Variants in CCDC192 observed in about 807,000 individuals in gnomAD.
CCDC192 encodes coiled-coil domain-containing protein 192.
intron 3 of CCDC192, among the ~76,000 whole-genome samples, chr5:127,770,796 C>A (rs1406811217): frequency 6.6e-6 from 1 of 152,128 alleles, no homozygotes; most frequent in Non-Finnish European, 1.5e-5. Context: ...AGAATAGATG[C>A]ATTATATTAT....
At chr5:127,795,607 G>A (rs1023677598) in intron 3 of CCDC192, among the ~76,000 whole-genome samples, 1 of 151,834 alleles carries the variant, frequency 6.6e-6, no homozygotes, top group South Asian at 2.1e-4. Context: ...TTAAGACAGA[G>A]TCTCACTCTG....
intron 3 of CCDC192, among the ~76,000 whole-genome samples, chr5:127,760,769 C>T (rs1484458383): frequency 6.6e-6 from 1 of 151,086 alleles, no homozygotes; most frequent in African/African-American, 2.4e-5. Context: ...TCCAAGAGCC[C>T]CGTGTTATAG....
At chr5:127,861,007 CT>C (rs1017053116) in intron 5 of CCDC192, among the ~76,000 whole-genome samples, 4 of 151,654 alleles carry the variant, frequency 2.6e-5, no homozygotes, top group African/African-American at 7.3e-5. Flanking sequence ...GCATGGGTTA[CT>C]TTTTTTTTCT....
At chr5:127,785,298 T>C (rs1261255307) in intron 3 of CCDC192, 1 of 482,946 alleles carries the variant, frequency 2.1e-6, no homozygotes, top group East Asian at 5.4e-5. Context: ...ACAAGACTGC[T>C]TAAAGGGCCA....
chr5:127,846,288 CA>C (rs34754443), intron 5 of CCDC192, among the ~76,000 whole-genome samples: 88,569 of 124,426 alleles, frequency 0.71, 29,791 homozygotes, highest in African/African-American at 0.76. Context: ...GACTCGGTCT[CA>C]AAAAAAAAAA....
chr5:127,772,378 G>T (rs1325798458), intron 3 of CCDC192, among the ~76,000 whole-genome samples: 1 of 151,138 alleles, frequency 6.6e-6, no homozygotes, highest in Non-Finnish European at 1.5e-5. Flanking sequence ...AGAATCACTT[G>T]AACCTGTGTT....
At chr5:127,915,660 C>T (rs2681508) in intron 6 of CCDC192, among the ~76,000 whole-genome samples, 2,835 of 152,298 alleles carry the variant, frequency 0.019, 81 homozygotes, top group African/African-American at 0.066. Context: ...GGATTATAGG[C>T]GTGAGCCACT....
At chr5:127,830,221 T>C (rs1749722769) in intron 5 of CCDC192, among the ~76,000 whole-genome samples, 1 of 152,198 alleles carries the variant, frequency 6.6e-6, no homozygotes, top group African/African-American at 2.4e-5. Flanking sequence ...GGTTGATTTT[T>C]AGTCAAGAGT....
At chr5:127,720,221 G>T (rs974481604) in intron 2 of CCDC192, among the ~76,000 whole-genome samples, 1 of 152,150 alleles carries the variant, frequency 6.6e-6, no homozygotes, top group Non-Finnish European at 1.5e-5. Context: ...TACAATGGGG[G>T]TACTGGCATT....
intron 6 of CCDC192, among the ~76,000 whole-genome samples, chr5:127,895,789 T>C (rs1206270510): frequency 6.6e-6 from 1 of 150,986 alleles, no homozygotes; most frequent in Non-Finnish European, 1.5e-5. Context: ...TGCAGTGAGC[T>C]GAGATCACGC....
At chr5:127,853,120 AAG>A (rs1750875660) in intron 5 of CCDC192, among the ~76,000 whole-genome samples, 1 of 152,072 alleles carries the variant, frequency 6.6e-6, no homozygotes, top group Non-Finnish European at 1.5e-5. Flanking sequence ...CCCATGCTGA[AAG>A]AGTCTGAATC....
At chr5:127,901,092 A>G (rs535127516) in intron 6 of CCDC192, among the ~76,000 whole-genome samples, 1 of 152,352 alleles carries the variant, frequency 6.6e-6, no homozygotes, top group Non-Finnish European at 1.5e-5. Context: ...ACAGTGGGAC[A>G]TGACTTAAAT....
At chr5:127,888,799 A>G (rs1752649374) in intron 6 of CCDC192, among the ~76,000 whole-genome samples, 1 of 152,210 alleles carries the variant, frequency 6.6e-6, no homozygotes, top group Non-Finnish European at 1.5e-5. Flanking sequence ...AGAAGACAGT[A>G]TTTAAACCAG....
At chr5:127,702,656 A>G (rs1750754207), upstream of CCDC192, among the ~76,000 whole-genome samples, 1 of 152,170 alleles carries the variant, frequency 6.6e-6, no homozygotes, top group African/African-American at 2.4e-5. Flanking sequence ...GTGTGACTAG[A>G]TTGGGTGAGT....
intron 2 of CCDC192, among the ~76,000 whole-genome samples, chr5:127,719,560 C>G (rs903212980): frequency 8.0e-5 from 1 of 12,488 alleles, no homozygotes; most frequent in South Asian, 3.1e-3. Context: ...TATATATATA[C>G]ACACATACAT....
intron 3 of CCDC192, among the ~76,000 whole-genome samples, chr5:127,783,278 G>A (rs1339469188): frequency 1.3e-5 from 2 of 152,156 alleles, no homozygotes; most frequent in Non-Finnish European, 2.9e-5. Context: ...ACAGGCATGA[G>A]CCACTGCACC....
intron 6 of CCDC192, among the ~76,000 whole-genome samples, chr5:127,904,196 A>G (rs1753135437): frequency 6.6e-6 from 1 of 152,236 alleles, no homozygotes; most frequent in Non-Finnish European, 1.5e-5. Context: ...AGCCTCTGGA[A>G]AATGGGAAAG....
chr5:127,752,031 A>C (rs2126867452), intron 2 of CCDC192, among the ~76,000 whole-genome samples: 1 of 152,052 alleles, frequency 6.6e-6, no homozygotes, highest in Non-Finnish European at 1.5e-5. Flanking sequence ...TTTTTTTCAA[A>C]GTTTTCAACT....
intron 6 of CCDC192, among the ~76,000 whole-genome samples, chr5:127,921,549 T>C (rs1043297328): frequency 6.6e-6 from 1 of 152,244 alleles, no homozygotes; most frequent in African/African-American, 2.4e-5. Context: ...AGTATTAAAA[T>C]AGTCTAGAAT....
Sources: allele counts gnomAD v4.1 joint callset (sites outside exome capture counted in the v4.1 genomes callset), GRCh38; gene constraint gnomAD v4.1.1; transcripts MANE v1.5; gene names NCBI Gene and HGNC (gene_info 2026-07-23, HGNC 2026-07-21).